Variants in PGM5 observed in about 807,000 individuals in gnomAD.
PGM5 encodes the protein phosphoglucomutase 5.
A neutral mutation model predicts 59.2 loss-of-function variants in PGM5; 23 were observed. The observed-to-expected ratio is 0.39, with a 90% confidence interval of 0.28 to 0.55. The LOEUF (loss-of-function observed/expected upper bound fraction) is 0.55, where lower values mean the gene tolerates loss of function less well. Ranked by LOEUF, PGM5 falls within the 20% of genes least tolerant of loss-of-function variation. PGM5 has a pLI of 0.66. For synonymous variants in PGM5, 214 were observed against 286.0 expected (o/e 0.75, Z 2.54); for missense variants, 574 against 748.3 (o/e 0.77, Z 2.72).
intron 10 of PGM5, among the ~76,000 whole-genome samples, chr9:68,520,082 C>G (rs1327310945): frequency 1.3e-5 from 1 of 78,074 alleles, no homozygotes; most frequent in African/African-American, 3.2e-5. Context: ...AGAGTGAGAC[C>G]CTGTCTCAAA....
chr9:68,491,218 G>T (rs1425357341), intron 9 of PGM5, among the ~76,000 whole-genome samples: 1 of 152,204 alleles, frequency 6.6e-6, no homozygotes, highest in Admixed American at 6.5e-5. Context: ...AATTACTGTA[G>T]AGTTTGTTGA....
rs782308992 is a variant in PGM5 at position 68,387,580 on chromosome 9, T to C, written c.689T>C (p.Met230Thr). The C allele has an allele frequency of 2.5e-6, 4 of 1,611,890 alleles. No individual in the cohort carries two copies. The South Asian group carries it at 3.3e-5, about 13-fold the overall frequency. The stretch of plus-strand genomic sequence containing the variant: ...CAACTGAAGATTCGCATTGACGCAA[T>C]GCACGGAGGTAAGCTTGTGATTTTC... ...PSQLKIRIDA[M>T]HGVMGPYVRK... The change falls in exon 4 of 11, where the codon ATG (methionine) becomes ACG (threonine). Residue 230 changes from methionine (M) to threonine (T), a missense_variant. Coordinates refer to ENST00000396396, the MANE Select transcript of PGM5 (RefSeq NM_021965.4).
chr9:68,457,925 G>T (rs527900063), intron 6 of PGM5, among the ~76,000 whole-genome samples: 1 of 152,316 alleles, frequency 6.6e-6, no homozygotes, highest in East Asian at 1.9e-4. Context: ...TCTCATGGAA[G>T]CCTGAAGGAT....
intron 6 of PGM5, among the ~76,000 whole-genome samples, chr9:68,393,045 G>A (rs1281673744): frequency 6.6e-6 from 1 of 151,938 alleles, no homozygotes; most frequent in African/African-American, 2.4e-5. Context: ...TCACTCAGTA[G>A]GGCTCTAACT....
chr9:68,379,793 A>G (rs572387078), intron 2 of PGM5, among the ~76,000 whole-genome samples: 9 of 152,220 alleles, frequency 5.9e-5, no homozygotes, highest in African/African-American at 2.2e-4. Flanking sequence ...AAAAGAGAGC[A>G]GGGATGCCTA....
intron 10 of PGM5, among the ~76,000 whole-genome samples, chr9:68,515,837 T>C (rs1564027110): frequency 6.6e-6 from 1 of 152,260 alleles, no homozygotes; most frequent in East Asian, 1.9e-4. Context: ...GGTCAGCTTA[T>C]TGGGACTGGT....
rs142454172 is a variant in PGM5, at chr9:68,437,577, T to TCA, written c.1044-27494_1044-27493dup. On this transcript the variant is annotated intron_variant, in intron 6 of 10. Coordinates refer to ENST00000396396, the MANE Select transcript of PGM5 (RefSeq NM_021965.4). The surrounding 1 kb of genome is among the most constrained non-coding windows in gnomAD (Gnocchi z 4.1). ...CAATTTTTCAAAGGGACACACACAC[T>TCA]CACACACACACACACACACACACTC... Among the ~76,000 whole-genome samples the TCA allele has an allele frequency of 3.9e-3, 572 of 145,168 alleles. 2 individuals carry two copies. Among genetic ancestry groups the TCA allele is most frequent in the South Asian group, 0.02 (90 of 4,594 alleles).
At chr9:68,438,211 C>G (rs548060498) in intron 6 of PGM5, among the ~76,000 whole-genome samples, 2 of 148,908 alleles carry the variant, frequency 1.3e-5, no homozygotes, top group South Asian at 2.1e-4. Context: ...ATCGCTTGAA[C>G]CCAGGAGGCA....
chr9:68,527,913 T>A (rs1326891951), intron 10 of PGM5, among the ~76,000 whole-genome samples: 1 of 152,192 alleles, frequency 6.6e-6, no homozygotes. Context: ...CACTCTAGCA[T>A]TTAGGTCCCT....
chr9:68,398,031 G>A (rs1822556673), intron 6 of PGM5: 1 of 152,160 alleles, frequency 6.6e-6, no homozygotes, highest in Non-Finnish European at 1.5e-5. Context: ...CTGATCTCTG[G>A]TGATCTCGAT....
chr9:68,407,723 A>G (rs189109351), intron 6 of PGM5, among the ~76,000 whole-genome samples: 534 of 152,306 alleles, frequency 3.5e-3, no homozygotes, highest in Middle Eastern at 0.024. Context: ...CCATTAAAAC[A>G]TATAATGTGA....
chr9:68,376,626 T>G (rs1554677695), intron 1 of PGM5, among the ~76,000 whole-genome samples: 5 of 152,134 alleles, frequency 3.3e-5, no homozygotes, highest in Non-Finnish European at 7.4e-5. Flanking sequence ...ACTTTGTTGT[T>G]GAACTGTATG....
chr9:68,487,734 G>A (rs952384310), intron 9 of PGM5, among the ~76,000 whole-genome samples: 10 of 152,130 alleles, frequency 6.6e-5, no homozygotes, highest in Non-Finnish European at 1.0e-4. Flanking sequence ...GTTAAAATTT[G>A]TGCTGTTCCC....
At chr9:68,390,818 T>C (rs1316826484) in intron 4 of PGM5, among the ~76,000 whole-genome samples, 35 of 152,306 alleles carry the variant, frequency 2.3e-4, no homozygotes, top group African/African-American at 7.9e-4. Context: ...AAGCCTTATG[T>C]GTGGTTATTG....
At chr9:68,384,679 A>G (rs1822170167) in intron 3 of PGM5, 135 bp downstream of exon 3, 1 of 610,854 alleles carries the variant, frequency 1.6e-6, no homozygotes, top group Non-Finnish European at 2.9e-6. Context: ...GTGTAAACTT[A>G]ATATGGTGTA....
intron 6 of PGM5, among the ~76,000 whole-genome samples, chr9:68,424,587 A>G (rs1554682584): frequency 2.0e-5 from 3 of 152,212 alleles, no homozygotes; most frequent in African/African-American, 7.2e-5. Context: ...CTATAGCACT[A>G]CTCACAAGAA....
At chr9:68,480,306 CCT>C (rs1824176263) in intron 8 of PGM5, among the ~76,000 whole-genome samples, 1 of 152,176 alleles carries the variant, frequency 6.6e-6, no homozygotes, top group Non-Finnish European at 1.5e-5. Context: ...TTTCTTACCT[CCT>C]CACCAATAAT....
intron 10 of PGM5, among the ~76,000 whole-genome samples, chr9:68,526,009 T>G (rs983721220): frequency 3.3e-5 from 5 of 150,440 alleles, no homozygotes; most frequent in Non-Finnish European, 7.4e-5. Context: ...TGAGCCAAGA[T>G]CGCGCCACTG....
intron 4 of PGM5, 40 bp from the exon 5 acceptor site, chr9:68,391,494 G>C: frequency 6.2e-7 from 1 of 1,607,176 alleles, no homozygotes; most frequent in Non-Finnish European, 8.5e-7. Flanking sequence ...TGGGGAGAAG[G>C]TTCTGCAAAT....
Sources: allele counts gnomAD v4.1 joint callset (sites outside exome capture counted in the v4.1 genomes callset), GRCh38; gene constraint gnomAD v4.1.1; non-coding constraint Gnocchi (gnomAD v3.1); transcripts MANE v1.5; gene names NCBI Gene and HGNC (gene_info 2026-07-23, HGNC 2026-07-21).